The following PPP3CA variants were observed in gnomAD, a reference collection of about 807,000 sequenced individuals.
PPP3CA encodes the protein protein phosphatase 3 catalytic subunit alpha.
PPP3CA carries 14 observed loss-of-function variants against 66.5 expected under a neutral mutation model. The ratio of observed to expected loss-of-function variants is 0.21; its 90% CI spans 0.14 to 0.33. The LOEUF is 0.33. Among genes scored for constraint, PPP3CA ranks in the 10% least tolerant of loss-of-function variants. PPP3CA has a pLI of 1.00. For missense variants in PPP3CA, 317 were observed against 639.5 expected (o/e 0.50, Z 5.44); for synonymous variants, 232 against 226.2 (o/e 1.03, Z -0.23).
At chr4:101,135,750 A>G (rs1348015877) in intron 2 of PPP3CA, among the ~76,000 whole-genome samples, 5 of 152,252 alleles carry the variant, frequency 3.3e-5, no homozygotes, top group Non-Finnish European at 1.5e-5. Flanking sequence ...GAGCTCACCC[A>G]CACTAGAAAC....
At chr4:101,143,916 T>C (rs977593405) in intron 2 of PPP3CA, among the ~76,000 whole-genome samples, 11 of 152,326 alleles carry the variant, frequency 7.2e-5, no homozygotes, top group African/African-American at 2.4e-4. Context: ...AACTTGTGCC[T>C]ACATACACAT....
chr4:101,098,094 G>T (rs9990811), intron 5 of PPP3CA, among the ~76,000 whole-genome samples: 25,317 of 151,986 alleles, frequency 0.17, 2,934 homozygotes, highest in African/African-American at 0.32. Context: ...AAATGATAAG[G>T]CATATTTTTT....
chr4:101,132,830 C>T (rs1458644393), intron 2 of PPP3CA, among the ~76,000 whole-genome samples: 2 of 152,154 alleles, frequency 1.3e-5, no homozygotes, highest in Non-Finnish European at 1.5e-5. Context: ...CCCTGATGGA[C>T]ATCTATTCAA....
At chr4:101,335,950 A>G (rs1198315458) in intron 1 of PPP3CA, among the ~76,000 whole-genome samples, 10 of 152,174 alleles carry the variant, frequency 6.6e-5, no homozygotes, top group Admixed American at 6.5e-4. Flanking sequence ...CACACTTGTA[A>G]TCCCAGCACT....
chr4:101,137,585 A>T (rs1365853842), intron 2 of PPP3CA, among the ~76,000 whole-genome samples: 1 of 152,112 alleles, frequency 6.6e-6, no homozygotes, highest in Non-Finnish European at 1.5e-5. Flanking sequence ...ACCAAAGGCT[A>T]GGGCTTCCCA....
At chr4:101,229,490 C>T (rs1031132666) in intron 1 of PPP3CA, among the ~76,000 whole-genome samples, 3 of 151,588 alleles carry the variant, frequency 2.0e-5, no homozygotes, top group Non-Finnish European at 4.4e-5. Context: ...TTTATGATAG[C>T]CTCTTCTCTC....
At chr4:101,234,924 G>C (rs964418680) in intron 1 of PPP3CA, among the ~76,000 whole-genome samples, 1 of 151,670 alleles carries the variant, frequency 6.6e-6, no homozygotes, top group African/African-American at 2.4e-5. Context: ...AAAGGACAGG[G>C]CTAATACAAT....
At chr4:101,327,771 G>T (rs1729251432) in intron 1 of PPP3CA, among the ~76,000 whole-genome samples, 1 of 152,074 alleles carries the variant, frequency 6.6e-6, no homozygotes, top group Non-Finnish European at 1.5e-5. Flanking sequence ...AACACACACA[G>T]CAGGAAAGTT....
intron 2 of PPP3CA, among the ~76,000 whole-genome samples, chr4:101,164,174 A>G (rs987323464): frequency 1.1e-5 from 1 of 93,578 alleles, no homozygotes; most frequent in African/African-American, 4.3e-5. Flanking sequence ...CTCCTTCTCA[A>G]TGAGGCCTAT....
chr4:101,178,905 T>C (rs1288152167), intron 2 of PPP3CA, among the ~76,000 whole-genome samples: 1 of 152,072 alleles, frequency 6.6e-6, no homozygotes, highest in Non-Finnish European at 1.5e-5. Context: ...TGACAAATCC[T>C]TTCCTCATCT....
chr4:101,240,039 T>C (rs2850337), intron 1 of PPP3CA, among the ~76,000 whole-genome samples: 9 of 70,128 alleles, frequency 1.3e-4, no homozygotes, highest in Non-Finnish European at 3.9e-4. Context: ...GGTTTTTTTT[T>C]GGGGGGAGCG....
At chr4:101,109,464 A>G (rs1373412473) in intron 2 of PPP3CA, among the ~76,000 whole-genome samples, 1 of 151,978 alleles carries the variant, frequency 6.6e-6, no homozygotes, top group Non-Finnish European at 1.5e-5. Flanking sequence ...TTTGCAGGTA[A>G]AAGACGACAC....
At chr4:101,040,133 G>C (rs941778227) in intron 11 of PPP3CA, among the ~76,000 whole-genome samples, 6 of 151,898 alleles carry the variant, frequency 4.0e-5, no homozygotes, top group East Asian at 1.9e-4. Flanking sequence ...CTTTCACCAC[G>C]AGCCAGAACG....
chr4:101,321,111 C>T (rs1305443945), intron 1 of PPP3CA, among the ~76,000 whole-genome samples: 1 of 152,182 alleles, frequency 6.6e-6, no homozygotes, highest in Non-Finnish European at 1.5e-5. Flanking sequence ...TATCAAAAGA[C>T]ATGATTTGTG....
chr4:101,221,067 AT>A (rs1366944015), intron 1 of PPP3CA, among the ~76,000 whole-genome samples: 2 of 151,736 alleles, frequency 1.3e-5, no homozygotes, highest in African/African-American at 2.4e-5. Context: ...TCATATTATA[AT>A]TTGGTAAGAG....
At chr4:101,139,552 A>T (rs552733482) in intron 2 of PPP3CA, among the ~76,000 whole-genome samples, 13 of 152,202 alleles carry the variant, frequency 8.5e-5, no homozygotes, top group Non-Finnish European at 1.9e-4. Flanking sequence ...CAAATACTTT[A>T]TTCGACCCCT....
intron 1 of PPP3CA, chr4:101,250,253 T>C (rs1578594613): frequency 4.6e-6 from 2 of 432,744 alleles, no homozygotes; most frequent in Non-Finnish European, 9.3e-6. Context: ...TGTGGTGTTA[T>C]GAGAATGCCT....
Position 101,106,448 on chromosome 4 carries a change from A to G in PPP3CA, c.384+2506T>C, listed in dbSNP as rs1260299343. ...AAGAAAGAAAGAAAGAAAGAAAGAA[A>G]GAAAGAGAAAAGAAAAGAAAAGAAA... On this transcript the variant is annotated intron_variant, in intron 3 of 13. Transcript: ENST00000394854. 1.4e-3 allele frequency among the ~76,000 whole-genome samples: 16 copies of G among 11,364 alleles called. 2 individuals are homozygous for G. Among genetic ancestry groups the G allele is most frequent in the African/African-American group, 5.3e-3 (15 of 2,820 alleles). The allele number at this position is 11,364 out of a possible 152,430, so 7.5% of individuals were successfully genotyped here.
chr4:101,173,656 C>T (rs1313655994), intron 2 of PPP3CA, among the ~76,000 whole-genome samples: 3 of 151,924 alleles, frequency 2.0e-5, no homozygotes, highest in African/African-American at 7.3e-5. Context: ...GTCTTCCATC[C>T]AAATAATTTT....
Sources: allele counts gnomAD v4.1 joint callset (sites outside exome capture counted in the v4.1 genomes callset), GRCh38; gene constraint gnomAD v4.1.1; transcripts MANE v1.5; gene names NCBI Gene and HGNC (gene_info 2026-07-23, HGNC 2026-07-21).